ARFGEF3: variants seen among roughly 807,000 people sequenced by gnomAD.
The protein encoded by ARFGEF3 is brefeldin A-inhibited guanine nucleotide-exchange protein 3.
A neutral mutation model predicts 221.7 loss-of-function variants in ARFGEF3; 96 were observed. The observed-to-expected ratio is 0.43, with a 90% CI of 0.37 to 0.51. The LOEUF (loss-of-function observed/expected upper bound fraction) is 0.51. Ranked by LOEUF, ARFGEF3 falls within the 20% of genes least tolerant of loss-of-function variation. The probability of loss-of-function intolerance (pLI) is 0.00; values close to 1 mark genes in which losing one functional copy is unlikely to be tolerated. For missense variants in ARFGEF3, 2,410 were observed against 2,789.9 expected, an observed-to-expected ratio of 0.86 and a Z score of 3.07; for synonymous variants, 1,145 against 1,126.8, an observed-to-expected ratio of 1.02 and a Z score of -0.32.
chr6:138,268,073 G>A (rs1021091346), intron 12 of ARFGEF3, among the ~76,000 whole-genome samples: 1 of 152,132 alleles, frequency 6.6e-6, no homozygotes, highest in Non-Finnish European at 1.5e-5. Flanking sequence ...GGCACTGATC[G>A]TTGCTTTGGC....
intron 14 of ARFGEF3, among the ~76,000 whole-genome samples, chr6:138,283,813 C>T (rs561277732): frequency 6.6e-6 from 1 of 152,186 alleles, no homozygotes; most frequent in South Asian, 2.1e-4. Context: ...GGCCATTTGA[C>T]CAGACGTCAA....
Position 138,289,971 on chromosome 6 carries a change from G to A in ARFGEF3, c.3047+3G>A. ...GACTGCTGGCCACACGTGTTCAGGT[G>A]CATGACGGGCTCCCACCCCCAGATG... is the stretch of plus-strand genomic sequence containing the variant. On this transcript the variant is annotated splice_donor_region_variant and intron_variant, in intron 18 of 33. Coordinates refer to ENST00000251691, the MANE Select transcript of ARFGEF3 (RefSeq NM_020340.5). 1 of 1,604,438 alleles carries A rather than the reference G, an allele frequency of 6.2e-7. No homozygotes were observed. The highest frequency in any genetic ancestry group is 8.5e-7 in the Non-Finnish European group (1 of 1,174,862).
In ARFGEF3 at chr6:138,344,202, A is replaced by G. The variant is rs1047889692; in HGVS notation, c.*7716A>G. ...AATCAACTTATTTTCATTGAAGATT[A>G]TAAATAAATGAAGCTTGTTATAGCC... On this transcript the variant is annotated 3_prime_UTR_variant, in exon 34 of 34. Transcript: ENST00000251691. 6.6e-6 allele frequency: 1 copy of G among 152,194 alleles called. No individual in the cohort carries two copies. Among genetic ancestry groups the G allele is most frequent in the Non-Finnish European group, 1.5e-5 (1 of 68,034 alleles). 9.4% of individuals were successfully genotyped at this position (152,194 alleles called of 1,614,324 possible). A position where few individuals can be genotyped will look rare whatever the true frequency, so the allele number is the denominator to read the frequency against.
intron 2 of ARFGEF3, among the ~76,000 whole-genome samples, chr6:138,193,176 C>T (rs1252745577): frequency 6.6e-6 from 1 of 152,172 alleles, no homozygotes; most frequent in Non-Finnish European, 1.5e-5. Flanking sequence ...TTGGCTGCTC[C>T]ACGAACCCCC....
At chr6:138,177,401 G>T (rs1231177478) in intron 2 of ARFGEF3, among the ~76,000 whole-genome samples, 1 of 152,114 alleles carries the variant, frequency 6.6e-6, no homozygotes, top group Non-Finnish European at 1.5e-5. Context: ...TTACAGGCAT[G>T]AGCTACTGCA....
Position 138,196,903 on chromosome 6 carries a change from G to T in ARFGEF3, c.138-10139G>T, listed in dbSNP as rs909594002. The stretch of plus-strand genomic sequence containing the variant: ...GGCTGGAGTGCAGTGGTGTGATCTC[G>T]GCTCACCGCAACCTCCGCCTCCCGG... On this transcript the variant is annotated intron_variant, in intron 2 of 33. Coordinates refer to ENST00000251691, the MANE Select transcript of ARFGEF3 (RefSeq NM_020340.5). Among the ~76,000 whole-genome samples, 5 of 151,360 alleles carry T rather than the reference G, an allele frequency of 3.3e-5. No homozygotes were observed. In the South Asian group the frequency reaches 1.0e-3, roughly 32 times the overall value.
intron 4 of ARFGEF3, among the ~76,000 whole-genome samples, chr6:138,226,474 GC>G (rs1036847730): frequency 2.6e-5 from 4 of 152,056 alleles, no homozygotes; most frequent in Non-Finnish European, 4.4e-5. Flanking sequence ...GGAAAGCTTT[GC>G]CCCTGTTTTC....
At chr6:138,199,894 T>C (rs760613201) in intron 2 of ARFGEF3, among the ~76,000 whole-genome samples, 1 of 152,192 alleles carries the variant, frequency 6.6e-6, no homozygotes, top group African/African-American at 2.4e-5. Context: ...TAGCTCTGGC[T>C]AGGATTTCCA....
intron 2 of ARFGEF3, among the ~76,000 whole-genome samples, chr6:138,183,539 G>A (rs1777122010): frequency 6.6e-6 from 1 of 152,082 alleles, no homozygotes; most frequent in Non-Finnish European, 1.5e-5. Flanking sequence ...ACAGGGTGGG[G>A]ACTGGGCTCA....
At chr6:138,275,603 A>G (rs190194858) in intron 12 of ARFGEF3, among the ~76,000 whole-genome samples, 70 of 151,786 alleles carry the variant, frequency 4.6e-4, no homozygotes, top group African/African-American at 1.7e-3. Flanking sequence ...AATTAGCTGC[A>G]TGTGGTGGTG....
chr6:138,334,051 G>C lies in ARFGEF3; in HGVS notation c.5205G>C (p.Glu1735Asp), dbSNP rs1780274781. The C allele has an allele frequency of 6.2e-7, 1 of 1,613,874 alleles. No individual in the cohort carries two copies. Among genetic ancestry groups the C allele is most frequent in the Non-Finnish European group, 8.5e-7 (1 of 1,179,910 alleles). ...LQNLYDILLE[E>D]FVKGPSPGEE... Reference sequence around the variant, plus strand: ...ACTTATATGACATCTTGTTAGAAGAGTTTGTCAAAGGCCCCTCTCCTGGAG... The same window carrying C: ...ACTTATATGACATCTTGTTAGAAGACTTTGTCAAAGGCCCCTCTCCTGGAG... The change falls in exon 33 of 34, where the codon GAG becomes GAC. Residue 1735 changes from glutamate (E) to aspartate (D), a missense_variant. This residue lies in a region of ARFGEF3 where 723 missense variants were observed against 991.9 expected (regional missense o/e 0.73). Coordinates refer to ENST00000251691, the MANE Select transcript of ARFGEF3 (RefSeq NM_020340.5). This position sits in a 1 kb window ranked among gnomAD's most constrained non-coding sequence, Gnocchi z 5.1.
intron 5 of ARFGEF3, among the ~76,000 whole-genome samples, chr6:138,230,447 A>T (rs1273168119): frequency 6.6e-6 from 1 of 152,198 alleles, no homozygotes; most frequent in Non-Finnish European, 1.5e-5. Context: ...TTCAAAGCTG[A>T]ACTTTAATAT....
At chr6:138,257,869 T>C (rs1020267196) in intron 10 of ARFGEF3, among the ~76,000 whole-genome samples, 4 of 152,226 alleles carry the variant, frequency 2.6e-5, no homozygotes, top group Non-Finnish European at 4.4e-5. Context: ...AAGTTCAAAA[T>C]GCACTAAAGT....
intron 24 of ARFGEF3, among the ~76,000 whole-genome samples, chr6:138,309,536 G>A (rs1425808343): frequency 6.6e-6 from 1 of 152,126 alleles, no homozygotes; most frequent in Non-Finnish European, 1.5e-5. Flanking sequence ...ACTGAGAATA[G>A]GTTTCTGCAT....
chr6:138,237,834 A>G (rs1012034476), intron 5 of ARFGEF3, among the ~76,000 whole-genome samples: 1 of 152,176 alleles, frequency 6.6e-6, no homozygotes, highest in Non-Finnish European at 1.5e-5. Context: ...AAACAACTCT[A>G]TTAGCAGAGT....
At chr6:138,251,815 A>C (rs138089500) in intron 8 of ARFGEF3, among the ~76,000 whole-genome samples, 9 of 151,962 alleles carry the variant, frequency 5.9e-5, no homozygotes, top group Non-Finnish European at 1.3e-4. Context: ...CTCCTGCCAT[A>C]TGGTCTCATA....
intron 20 of ARFGEF3, 71 bp downstream of exon 20, chr6:138,294,197 A>G (rs1038760212): frequency 1.6e-4 from 238 of 1,501,044 alleles, no homozygotes; most frequent in Non-Finnish European, 1.3e-4. Context: ...TATCACCAGC[A>G]GCGTGCCTGA....
intron 13 of ARFGEF3, among the ~76,000 whole-genome samples, chr6:138,278,968 A>G (rs1270056086): frequency 1.3e-5 from 2 of 152,168 alleles, no homozygotes; most frequent in East Asian, 1.9e-4. Flanking sequence ...TTGACGTGTT[A>G]AGGGAGATCA....
At chr6:138,256,228 C>T (rs1778678007) in intron 10 of ARFGEF3, among the ~76,000 whole-genome samples, 1 of 152,176 alleles carries the variant, frequency 6.6e-6, no homozygotes, top group Admixed American at 6.5e-5. Context: ...TGCCTCATTT[C>T]TCCCAAATGT....
Sources: gnomAD v4.1 joint callset for allele counts (sites outside exome capture counted in the v4.1 genomes callset) on GRCh38, gnomAD v4.1.1 for gene constraint, gnomAD v4.1.1 regional missense constraint, Gnocchi (gnomAD v3.1) non-coding constraint, MANE v1.5 for transcripts, NCBI Gene and HGNC (gene_info 2026-07-23, HGNC 2026-07-21) for gene names.